The following IPMK variants were observed in gnomAD, a reference collection of about 807,000 sequenced individuals.
IPMK encodes the protein inositol polyphosphate multikinase, also known as inositol 1,3,4,6-tetrakisphosphate 5-kinase.
Under a neutral mutation model 45.8 loss-of-function variants are expected in IPMK, and 17 were observed. The observed-to-expected ratio is 0.37, with a 90% CI of 0.25 to 0.56. The LOEUF (loss-of-function observed/expected upper bound fraction) is 0.56. IPMK is among the 20% of genes least tolerant of loss of function. The probability of loss-of-function intolerance (pLI) is 0.79; values close to 1 mark genes in which losing one functional copy is unlikely to be tolerated. For missense variants in IPMK, 399 were observed against 498.0 expected (o/e 0.80, Z 1.89); for synonymous variants, 180 against 184.3 (o/e 0.98, Z 0.19).
intron 3 of IPMK, among the ~76,000 whole-genome samples, chr10:58,226,227 T>C (rs1354376125): frequency 6.6e-6 from 1 of 152,106 alleles, no homozygotes; most frequent in Non-Finnish European, 1.5e-5. Flanking sequence ...ACAAAAGGAA[T>C]AGGCAGGCTC....
At chr10:58,233,562 C>T (rs1039718953) in intron 2 of IPMK, among the ~76,000 whole-genome samples, 1 of 151,822 alleles carries the variant, frequency 6.6e-6, no homozygotes, top group Non-Finnish European at 1.5e-5. Flanking sequence ...ACAGAACCAA[C>T]GACAAAAAAC....
At chr10:58,200,131 G>T (rs1191289480) in intron 4 of IPMK, among the ~76,000 whole-genome samples, 1 of 151,520 alleles carries the variant, frequency 6.6e-6, no homozygotes, top group African/African-American at 2.4e-5. Flanking sequence ...TTTTTTGGTT[G>T]GGGGAGGGAC....
intron 4 of IPMK, chr10:58,213,111 G>T (rs939842218): frequency 6.5e-6 from 1 of 152,732 alleles, no homozygotes; most frequent in African/African-American, 2.4e-5. Context: ...GATGGTGGTG[G>T]AGCTAGAGTG....
chr10:58,239,620 C>T (rs1001372402), intron 1 of IPMK, among the ~76,000 whole-genome samples: 1 of 152,142 alleles, frequency 6.6e-6, no homozygotes, highest in African/African-American at 2.4e-5. Flanking sequence ...GAGATTGCTT[C>T]GTCCAATATG....
intron 4 of IPMK, among the ~76,000 whole-genome samples, chr10:58,209,317 T>C (rs1838121878): frequency 6.6e-6 from 1 of 152,160 alleles, no homozygotes; most frequent in South Asian, 2.1e-4. Context: ...TGTTGCAGTG[T>C]ATATGCAGAC....
intron 2 of IPMK, among the ~76,000 whole-genome samples, chr10:58,228,113 T>A (rs1350129618): frequency 6.6e-6 from 1 of 152,164 alleles, no homozygotes; most frequent in African/African-American, 2.4e-5. Context: ...ATTAGTCACT[T>A]CCAGGCCAAG....
Position 58,215,999 on chromosome 10 carries a change from C to T in IPMK, c.546+146G>A, listed in dbSNP as rs1213076182. ...AAAAAAAAATTTTTTAATCCTTGCC[C>T]TCACTTTTCACATTGGGGAGTTACA... On this transcript the variant is annotated intron_variant, in intron 4 of 5. Coordinates refer to ENST00000373935, the MANE Select transcript of IPMK (RefSeq NM_152230.5). The T allele has an allele frequency of 7.2e-6, 4 of 551,978 alleles. No homozygotes were observed. In the East Asian group the frequency reaches 1.3e-4, roughly 18 times the overall value. The allele number at this position is 551,978 out of a possible 1,614,324, so 34.2% of individuals were successfully genotyped here.
At chr10:58,238,637 G>A (rs1248557367) in intron 1 of IPMK, among the ~76,000 whole-genome samples, 5 of 152,154 alleles carry the variant, frequency 3.3e-5, no homozygotes, top group Non-Finnish European at 7.3e-5. Flanking sequence ...TTTGGCAAGT[G>A]TTAGGAATTT....
intron 1 of IPMK, among the ~76,000 whole-genome samples, chr10:58,260,522 T>C (rs1839048385): frequency 6.6e-6 from 1 of 152,210 alleles, no homozygotes; most frequent in Non-Finnish European, 1.5e-5. Flanking sequence ...TAAATGTTTA[T>C]GCACAATCAT....
intron 4 of IPMK, among the ~76,000 whole-genome samples, chr10:58,206,494 C>A (rs138504084): frequency 1.1e-3 from 173 of 152,186 alleles, no homozygotes; most frequent in African/African-American, 4.1e-3. Flanking sequence ...AAAACTAAAC[C>A]TCTTTAAGAA....
intron 1 of IPMK, among the ~76,000 whole-genome samples, chr10:58,244,621 A>G (rs1415141949): frequency 1.3e-5 from 2 of 148,836 alleles, no homozygotes; most frequent in African/African-American, 2.4e-5. Context: ...TGTGGGGAAA[A>G]GAAAGAGAGA....
intron 4 of IPMK, among the ~76,000 whole-genome samples, chr10:58,212,150 T>C (rs552169681): frequency 5.9e-5 from 9 of 152,158 alleles, no homozygotes; most frequent in Non-Finnish European, 1.3e-4. Context: ...GAATTAAAAC[T>C]TTTGCTTCTT....
At chr10:58,213,617 G>A (rs1390307204) in intron 4 of IPMK, among the ~76,000 whole-genome samples, 1 of 152,084 alleles carries the variant, frequency 6.6e-6, no homozygotes, top group Non-Finnish European at 1.5e-5. Context: ...AAGCCAGGAG[G>A]CGGAGCTTGC....
chr10:58,232,387 T>C (rs1478547642), intron 2 of IPMK, among the ~76,000 whole-genome samples: 1 of 152,148 alleles, frequency 6.6e-6, no homozygotes, highest in African/African-American at 2.4e-5. Context: ...TACATTCTTC[T>C]CAGCACATCA....
intron 2 of IPMK, among the ~76,000 whole-genome samples, chr10:58,236,986 G>A (rs1838623338): frequency 6.6e-6 from 1 of 152,280 alleles, no homozygotes; most frequent in East Asian, 1.9e-4. Flanking sequence ...TGAGGTGGGA[G>A]AATAGCTTGA....
intron 5 of IPMK, among the ~76,000 whole-genome samples, chr10:58,197,416 C>T (rs904340262): frequency 2.6e-4 from 37 of 144,740 alleles, no homozygotes; most frequent in Admixed American, 2.3e-3. Flanking sequence ...TTTGGGAGGC[C>T]GAGGTGGGCG....
intron 2 of IPMK, among the ~76,000 whole-genome samples, chr10:58,229,081 G>A (rs1183452405): frequency 1.3e-5 from 2 of 151,944 alleles, no homozygotes; most frequent in Non-Finnish European, 2.9e-5. Flanking sequence ...TAAAAATCTT[G>A]GCTTACTTCT....
At chr10:58,263,524 A>G (rs1205100686) in intron 1 of IPMK, among the ~76,000 whole-genome samples, 1 of 151,524 alleles carries the variant, frequency 6.6e-6, no homozygotes, top group Non-Finnish European at 1.5e-5. Flanking sequence ...ACTCCGTTAA[A>G]AAAAAAAAAA....
In IPMK at chr10:58,192,497, C is replaced by A. The variant is rs1837831908; in HGVS notation, c.*3579G>T. ...TACTGTAAAATATTACTTCTAACTT[C>A]AACTATTGTTAGATGCTTCATTTCA... is the stretch of plus-strand genomic sequence containing the variant. On this transcript the variant is annotated 3_prime_UTR_variant, in exon 6 of 6. Transcript: ENST00000373935. The A allele has an allele frequency of 6.6e-6, 1 of 151,974 alleles. No homozygotes were observed. Among genetic ancestry groups the A allele is most frequent in the Non-Finnish European group, 1.5e-5 (1 of 67,912 alleles). 9.4% of individuals were successfully genotyped at this position (151,974 alleles called of 1,614,324 possible). A position where few individuals can be genotyped will look rare whatever the true frequency, so the allele number is the denominator to read the frequency against.
Sources: allele counts gnomAD v4.1 joint callset (sites outside exome capture counted in the v4.1 genomes callset), GRCh38; gene constraint gnomAD v4.1.1; transcripts MANE v1.5; gene names NCBI Gene and HGNC (gene_info 2026-07-23, HGNC 2026-07-21).